The following PLCB1 variants were observed in gnomAD, a reference collection of about 807,000 sequenced individuals.
The protein encoded by PLCB1 is 1-phosphatidylinositol 4,5-bisphosphate phosphodiesterase beta-1.
A neutral mutation model predicts 161.8 loss-of-function variants in PLCB1; 46 were observed. The observed-to-expected ratio is 0.28, with a 90% CI of 0.22 to 0.36. The LOEUF (loss-of-function observed/expected upper bound fraction) is 0.36. Ranked by LOEUF, PLCB1 falls within the 10% of genes least tolerant of loss-of-function variation. The pLI is 1.00. For missense variants in PLCB1, 1,016 were observed against 1,472.5 expected (o/e 0.69, Z 5.07); for synonymous variants, 517 against 503.7 (o/e 1.03, Z -0.35).
intron 2 of PLCB1, among the ~76,000 whole-genome samples, chr20:8,221,694 T>A (rs1020270218): frequency 1.3e-5 from 2 of 152,084 alleles, no homozygotes; most frequent in Non-Finnish European, 2.9e-5. Context: ...AGGTTTAAAA[T>A]CTCAAATAGC....
In PLCB1 at chr20:8,790,316, A is replaced by C; in HGVS notation, c.3423+55A>C. The stretch of plus-strand genomic sequence containing the variant: ...TATTTTATTTGATTTCCATTTAGTA[A>C]GAGTAAAACCTTCCTGGTTTACATA... On this transcript the variant is annotated intron_variant, in intron 31 of 31. Coordinates refer to ENST00000338037, the MANE Select transcript of PLCB1 (RefSeq NM_015192.4). 9 of 1,374,242 alleles carry C rather than the reference A, an allele frequency of 6.5e-6. No individual in the cohort carries two copies. In the East Asian group the frequency reaches 2.2e-4, roughly 34 times the overall value. The allele number at this position is 1,374,242 out of a possible 1,614,324, so 85.1% of individuals were successfully genotyped here.
intron 27 of PLCB1, among the ~76,000 whole-genome samples, chr20:8,775,575 A>G (rs955422608): frequency 6.6e-6 from 1 of 152,208 alleles, no homozygotes; most frequent in Non-Finnish European, 1.5e-5. Flanking sequence ...TGATTTAGCC[A>G]TCACTGTATA....
chr20:8,529,729 C>T (rs1004405054), intron 3 of PLCB1, among the ~76,000 whole-genome samples: 1 of 152,090 alleles, frequency 6.6e-6, no homozygotes, highest in Non-Finnish European at 1.5e-5. Context: ...ATCCTGTGCC[C>T]TTCCCCAGAT....
intron 31 of PLCB1, among the ~76,000 whole-genome samples, chr20:8,873,909 T>C (rs1987690864): frequency 1.3e-5 from 2 of 152,040 alleles, no homozygotes. Context: ...TTCCAAAATA[T>C]TCTGAGCAAG....
At chr20:8,601,650 A>T (rs935475788) in intron 3 of PLCB1, among the ~76,000 whole-genome samples, 1 of 146,796 alleles carries the variant, frequency 6.8e-6, no homozygotes, top group Non-Finnish European at 1.5e-5. Context: ...GAAGTGGAAG[A>T]GTTGAGTGAC....
intron 31 of PLCB1, chr20:8,802,512 A>C: frequency 4.2e-6 from 1 of 235,524 alleles, no homozygotes. Context: ...TATTATTCCC[A>C]CTTTGGAAAC....
At chr20:8,757,718 G>T (rs994544926) in intron 24 of PLCB1, among the ~76,000 whole-genome samples, 1 of 152,038 alleles carries the variant, frequency 6.6e-6, no homozygotes, top group Non-Finnish European at 1.5e-5. Context: ...CCATTTTCAG[G>T]TGATAAAGTA....
intron 2 of PLCB1, among the ~76,000 whole-genome samples, chr20:8,161,684 A>G (rs949940608): frequency 3.3e-5 from 5 of 152,188 alleles, no homozygotes. Context: ...GGGCTGCACA[A>G]TGAAATCACA....
intron 3 of PLCB1, among the ~76,000 whole-genome samples, chr20:8,432,712 A>G (rs1956294004): frequency 6.6e-6 from 1 of 152,224 alleles, no homozygotes; most frequent in Non-Finnish European, 1.5e-5. Flanking sequence ...AAGCGACAGA[A>G]ACTTAGAAGT....
At chr20:8,547,149 G>A (rs950029372) in intron 3 of PLCB1, among the ~76,000 whole-genome samples, 22 of 150,780 alleles carry the variant, frequency 1.5e-4, no homozygotes, top group African/African-American at 3.4e-4. Context: ...CCCCAAACTT[G>A]TAATAAAGCC....
intron 2 of PLCB1, among the ~76,000 whole-genome samples, chr20:8,175,825 A>C (rs2051777411): frequency 6.6e-6 from 1 of 152,230 alleles, no homozygotes; most frequent in Non-Finnish European, 1.5e-5. Context: ...AACAAAAAAC[A>C]AAAAACCTAA....
chr20:8,795,123 G>A (rs528174863), intron 31 of PLCB1, among the ~76,000 whole-genome samples: 1 of 152,278 alleles, frequency 6.6e-6, no homozygotes, highest in African/African-American at 2.4e-5. Flanking sequence ...TCGCTATTTG[G>A]TAGGGGACCA....
chr20:8,644,411 C>T (rs1403896676), intron 4 of PLCB1, among the ~76,000 whole-genome samples: 18 of 150,892 alleles, frequency 1.2e-4, no homozygotes, highest in African/African-American at 4.4e-4. Context: ...CCCGGCCACC[C>T]ATCGTCTGAG....
intron 26 of PLCB1, among the ~76,000 whole-genome samples, chr20:8,768,494 G>A (rs956166385): frequency 1.3e-5 from 2 of 152,128 alleles, no homozygotes; most frequent in African/African-American, 4.8e-5. Flanking sequence ...TAGATCACAG[G>A]CTGAGGTTCT....
At chr20:8,278,972 GTT>G (rs11476345) in intron 2 of PLCB1, among the ~76,000 whole-genome samples, 3 of 145,544 alleles carry the variant, frequency 2.1e-5, no homozygotes, top group African/African-American at 8.0e-5. Flanking sequence ...ACTATACAGT[GTT>G]TTTTAAAAAA....
At chr20:8,697,445 C>T (rs1336068628) in intron 10 of PLCB1, among the ~76,000 whole-genome samples, 181 bp from the exon 11 acceptor site, 1 of 152,186 alleles carries the variant, frequency 6.6e-6, no homozygotes, top group Non-Finnish European at 1.5e-5. Flanking sequence ...AGCACTACTA[C>T]AGATTCTATT....
chr20:8,744,825 C>G (rs1343119588), intron 23 of PLCB1, among the ~76,000 whole-genome samples: 1 of 151,760 alleles, frequency 6.6e-6, no homozygotes, highest in Admixed American at 6.6e-5. Flanking sequence ...AGACATAAGG[C>G]CTTTGAGGTT....
intron 3 of PLCB1, chr20:8,371,842 C>A: frequency 6.1e-6 from 1 of 162,786 alleles, no homozygotes; most frequent in East Asian, 1.8e-4. Flanking sequence ...AAATGCTCTG[C>A]AATTGAAATG....
chr20:8,595,632 G>T (rs1311576068), intron 3 of PLCB1, among the ~76,000 whole-genome samples: 1 of 149,228 alleles, frequency 6.7e-6, no homozygotes, highest in Non-Finnish European at 1.5e-5. Flanking sequence ...GGGATGGCTG[G>T]GTCAAATGGT....
Sources: gnomAD v4.1 joint callset for allele counts (sites outside exome capture counted in the v4.1 genomes callset) on GRCh38, gnomAD v4.1.1 for gene constraint, MANE v1.5 for transcripts, NCBI Gene and HGNC (gene_info 2026-07-23, HGNC 2026-07-21) for gene names.